ASAP1: variants seen among roughly 807,000 people sequenced by gnomAD.
The protein encoded by ASAP1 is arf-GAP with SH3 domain, ANK repeat and PH domain-containing protein 1.
ASAP1 carries 43 observed loss-of-function variants against 145.2 expected under a neutral mutation model. The observed-to-expected ratio is 0.30, with a 90% confidence interval of 0.23 to 0.38. The LOEUF is 0.38. ASAP1 is among the 10% of genes least tolerant of loss of function. The pLI, the probability that ASAP1 is intolerant of heterozygous loss-of-function variation, is 1.00. For synonymous variants in ASAP1, 546 were observed against 515.5 expected (o/e 1.06, Z -0.80); for missense variants, 1,018 against 1,355.3 (o/e 0.75, Z 3.91).
chr8:130,116,851 A>G, intron 21 of ASAP1, 29 bp downstream of exon 21: 4 of 1,586,874 alleles, frequency 2.5e-6, no homozygotes, highest in Non-Finnish European at 2.6e-6. Flanking sequence ...CGCTTACTAC[A>G]GTCATGAAGA....
At chr8:130,184,967 G>A (rs1264115120) in intron 7 of ASAP1, among the ~76,000 whole-genome samples, 5 of 152,154 alleles carry the variant, frequency 3.3e-5, no homozygotes. Context: ...CTAAGTCTGT[G>A]ATCTAAATCA....
intron 15 of ASAP1, among the ~76,000 whole-genome samples, chr8:130,130,579 G>T (rs550237109): frequency 6.6e-6 from 1 of 152,166 alleles, no homozygotes; most frequent in African/African-American, 2.4e-5. Flanking sequence ...AAAGCATAAA[G>T]AATGCATAAT....
At chr8:130,152,050 G>C (rs1172211683) in intron 13 of ASAP1, among the ~76,000 whole-genome samples, 1 of 152,182 alleles carries the variant, frequency 6.6e-6, no homozygotes, top group African/African-American at 2.4e-5. Context: ...GATATCTAAA[G>C]TCAGCTGTAA....
intron 3 of ASAP1, among the ~76,000 whole-genome samples, chr8:130,345,414 T>C (rs1825649111): frequency 6.6e-6 from 1 of 152,122 alleles, no homozygotes; most frequent in Admixed American, 6.6e-5. Flanking sequence ...GAGGGAAAAA[T>C]GCTTTCCTTT....
At chr8:130,410,609 T>G (rs6983271) in intron 1 of ASAP1, among the ~76,000 whole-genome samples, 2,101 of 152,348 alleles carry the variant, frequency 0.014, 50 homozygotes, top group African/African-American at 0.049. Context: ...GGGTCTGCTG[T>G]GCTGCCCATT....
intron 1 of ASAP1, among the ~76,000 whole-genome samples, chr8:130,415,260 G>A (rs1477737194): frequency 6.6e-6 from 1 of 151,366 alleles, no homozygotes; most frequent in Non-Finnish European, 1.5e-5. Flanking sequence ...CTTGAGGCTA[G>A]GAGTTCAAGA....
intron 5 of ASAP1, among the ~76,000 whole-genome samples, chr8:130,212,804 G>A (rs1344298898): frequency 6.6e-6 from 1 of 152,236 alleles, no homozygotes; most frequent in Non-Finnish European, 1.5e-5. Context: ...TATACACACA[G>A]TTGAAAGGAA....
chr8:130,361,573 A>G lies in ASAP1; in HGVS notation c.60-3430T>C, dbSNP rs1272675667. 6 of 937,910 alleles carry G rather than the reference A, an allele frequency of 6.4e-6. No individual in the cohort carries two copies. In the African/African-American group the frequency reaches 6.5e-5, roughly 10 times the overall value. The allele number at this position is 937,910 out of a possible 1,614,324, so 58.1% of individuals were successfully genotyped here. A position where few individuals can be genotyped will look rare whatever the true frequency, so the allele number is the denominator to read the frequency against. On this transcript the variant is annotated intron_variant, in intron 2 of 29. Coordinates refer to ENST00000518721, the MANE Select transcript of ASAP1 (RefSeq NM_018482.4). ...CTCCCCCATCTCCTTTGGCCAAGAA[A>G]GGAATATGCTCACAATGAGATATTG... is the stretch of plus-strand genomic sequence containing the variant.
Position 130,137,046 on chromosome 8 carries a change from A to G in ASAP1, c.1081-8T>C, listed in dbSNP as rs1206833345. On this transcript the variant is annotated splice_polypyrimidine_tract_variant and splice_region_variant and intron_variant, in intron 13 of 29. Coordinates refer to ENST00000518721, the MANE Select transcript of ASAP1 (RefSeq NM_018482.4). The stretch of plus-strand genomic sequence containing the variant: ...GGCTGGTTGCCTGTTAGACTGGAAA[A>G]AAAGAGAAAATGGAGAAGTTACATG... 1 of 1,613,182 alleles carries G rather than the reference A, an allele frequency of 6.2e-7. No homozygotes were observed.
chr8:130,328,200 C>T (rs1050135767), intron 3 of ASAP1, among the ~76,000 whole-genome samples: 2 of 151,934 alleles, frequency 1.3e-5, no homozygotes, highest in Admixed American at 1.3e-4. Flanking sequence ...GAAATGACCA[C>T]GACTGGTGGA....
intron 5 of ASAP1, among the ~76,000 whole-genome samples, chr8:130,190,007 T>C (rs1225357885): frequency 6.6e-6 from 1 of 152,214 alleles, no homozygotes; most frequent in Non-Finnish European, 1.5e-5. Context: ...ATTTTTTTCC[T>C]ATGAGTTATT....
At chr8:130,385,964 A>G (rs936699541) in intron 2 of ASAP1, among the ~76,000 whole-genome samples, 2 of 152,192 alleles carry the variant, frequency 1.3e-5, no homozygotes, top group Non-Finnish European at 2.9e-5. Context: ...GGCTTGTCCA[A>G]TCAGAATAGT....
At chr8:130,246,426 G>A (rs1202751283) in intron 3 of ASAP1, among the ~76,000 whole-genome samples, 1 of 152,140 alleles carries the variant, frequency 6.6e-6, no homozygotes, top group Non-Finnish European at 1.5e-5. Flanking sequence ...TGTCAGGGAA[G>A]GGGCCTGGTG....
chr8:130,355,407 G>A (rs1339878177), intron 3 of ASAP1, among the ~76,000 whole-genome samples: 1 of 152,174 alleles, frequency 6.6e-6, no homozygotes, highest in Non-Finnish European at 1.5e-5. Context: ...CAACAGGAAG[G>A]TACTTACTAG....
chr8:130,350,870 G>A (rs546101100), intron 3 of ASAP1, among the ~76,000 whole-genome samples: 8 of 152,354 alleles, frequency 5.3e-5, no homozygotes, highest in Admixed American at 2.6e-4. Context: ...ACTGAGAGTA[G>A]TGGTTCTTTA....
intron 5 of ASAP1, among the ~76,000 whole-genome samples, chr8:130,205,510 A>C (rs1011389642): frequency 6.6e-6 from 1 of 151,742 alleles, no homozygotes; most frequent in Non-Finnish European, 1.5e-5. Context: ...AATTCAAATA[A>C]TCAGTTATGG....
intron 1 of ASAP1, among the ~76,000 whole-genome samples, chr8:130,429,015 A>G (rs1830048064): frequency 6.6e-6 from 1 of 152,148 alleles, no homozygotes; most frequent in Admixed American, 6.5e-5. Flanking sequence ...TGGTTGCCAG[A>G]AATCCTTTAT....
Position 130,159,848 on chromosome 8 carries a change from C to G in ASAP1, c.1010+16G>C. The G allele has an allele frequency of 6.3e-7, 1 of 1,592,546 alleles. No individual in the cohort carries two copies. The highest frequency in any genetic ancestry group is 8.6e-7 in the Non-Finnish European group (1 of 1,160,448). On this transcript the variant is annotated intron_variant, in intron 12 of 29. Transcript: ENST00000518721. ...GTTAATCACACACTGAGACACTGGG[C>G]TGGGCTCATACATACCCGTCACTTT...
intron 3 of ASAP1, among the ~76,000 whole-genome samples, chr8:130,325,049 C>CCCTAA (rs1327625567): frequency 1.3e-5 from 2 of 152,148 alleles, no homozygotes; most frequent in African/African-American, 2.4e-5. Context: ...GTATGTCCTA[C>CCCTAA]CCTAACCCAA....
Sources: allele counts gnomAD v4.1 joint callset (sites outside exome capture counted in the v4.1 genomes callset), GRCh38; gene constraint gnomAD v4.1.1; transcripts MANE v1.5; gene names NCBI Gene and HGNC (gene_info 2026-07-23, HGNC 2026-07-21).